RBFOX1: variants seen among roughly 807,000 people sequenced by gnomAD.
RBFOX1 encodes RNA binding protein fox-1 homolog 1.
RBFOX1 carries 8 observed loss-of-function variants against 57.7 expected under a neutral mutation model. The observed-to-expected ratio is 0.14, with a 90% CI of 0.08 to 0.25. RBFOX1 has a LOEUF of 0.25. Ranked by LOEUF, RBFOX1 falls within the 10% of genes least tolerant of loss-of-function variation. The pLI, the probability that RBFOX1 is intolerant of heterozygous loss-of-function variation, is 1.00. For missense variants in RBFOX1, 611 were observed against 548.5 expected (o/e 1.11, Z -1.14); for synonymous variants, 326 against 222.4 (o/e 1.47, Z -4.15).
At chr16:6,932,529 T>C (rs547476020) in intron 3 of RBFOX1, among the ~76,000 whole-genome samples, 1 of 152,270 alleles carries the variant, frequency 6.6e-6, no homozygotes, top group Non-Finnish European at 1.5e-5. Context: ...AGGATCTGCT[T>C]CCAAGTGTCT....
At chr16:5,985,131 A>C (rs959933404) in intron 4 of RBFOX1, among the ~76,000 whole-genome samples, 1 of 150,566 alleles carries the variant, frequency 6.6e-6, no homozygotes, top group African/African-American at 2.5e-5. Flanking sequence ...GACTACAGGC[A>C]CCCGCCACCA....
chr16:7,462,908 C>A (rs751721197), intron 4 of RBFOX1, among the ~76,000 whole-genome samples: 45 of 152,232 alleles, frequency 3.0e-4, no homozygotes, highest in Non-Finnish European at 2.2e-4. Flanking sequence ...AAGGCTCATT[C>A]CATGAGACTG....
chr16:6,652,217 G>A (rs940407026), intron 2 of RBFOX1, among the ~76,000 whole-genome samples: 6 of 152,148 alleles, frequency 3.9e-5, no homozygotes, highest in Admixed American at 1.3e-4. Flanking sequence ...TTGGGAGGGC[G>A]AGGCGGGCAG....
intron 3 of RBFOX1, among the ~76,000 whole-genome samples, chr16:5,725,531 G>C (rs1274550793): frequency 1.3e-5 from 2 of 151,774 alleles, no homozygotes; most frequent in African/African-American, 2.4e-5. Flanking sequence ...TCCAAGTGTT[G>C]GGACTACTGG....
At chr16:7,594,140 G>C (rs1455757591) in intron 7 of RBFOX1, among the ~76,000 whole-genome samples, 1 of 150,100 alleles carries the variant, frequency 6.7e-6, no homozygotes, top group Non-Finnish European at 1.5e-5. Flanking sequence ...CCCACCCCGT[G>C]ACAGGCCCTG....
At chr16:6,487,228 T>A (rs118088530) in intron 2 of RBFOX1, among the ~76,000 whole-genome samples, 2,632 of 151,816 alleles carry the variant, frequency 0.017, 36 homozygotes, top group Non-Finnish European at 0.027. Flanking sequence ...AACTCGTTTT[T>A]GATTCAGCAA....
intron 3 of RBFOX1, among the ~76,000 whole-genome samples, chr16:6,786,635 G>T (rs1346592474): frequency 1.3e-5 from 2 of 152,122 alleles, no homozygotes; most frequent in Admixed American, 6.5e-5. Context: ...GAGGAGAATG[G>T]ATGGTGCTCT....
At chr16:7,023,564 TAAAAAAAAAAAAAA>T (rs34056673) in intron 3 of RBFOX1, among the ~76,000 whole-genome samples, 1 of 43,928 alleles carries the variant, frequency 2.3e-5, no homozygotes, top group East Asian at 9.4e-4. Flanking sequence ...TCGTCTGTAC[TAAAAAAAAAAAAAA>T]AAAAAAAAAA....
At chr16:5,275,290 CTTT>C (rs2063114473) in intron 1 of RBFOX1, among the ~76,000 whole-genome samples, 48 of 152,098 alleles carry the variant, frequency 3.2e-4, no homozygotes, top group Admixed American at 3.1e-3. Context: ...TTGATCATTT[CTTT>C]GTGTTGGGAA....
At chr16:7,417,453 A>G (rs763211411) in intron 4 of RBFOX1, among the ~76,000 whole-genome samples, 1 of 151,630 alleles carries the variant, frequency 6.6e-6, no homozygotes, top group Non-Finnish European at 1.5e-5. Flanking sequence ...TAACCAAAGT[A>G]CACCACCACC....
At chr16:6,158,302 C>T (rs760484579) in intron 1 of RBFOX1, among the ~76,000 whole-genome samples, 21 of 152,114 alleles carry the variant, frequency 1.4e-4, no homozygotes, top group Non-Finnish European at 2.2e-4. Flanking sequence ...GGCGATGCAC[C>T]TACAGCAATC....
chr16:7,328,250 G>A lies in RBFOX1; in HGVS notation c.28-189897G>A, dbSNP rs576346102. Among the ~76,000 whole-genome samples the A allele has an allele frequency of 5.9e-5, 9 of 152,100 alleles. No homozygotes were observed. In the East Asian group the frequency reaches 1.2e-3, roughly 20 times the overall value. ...TAATCCCAGCACTTTGGGAGGCTGCGGCAGGTAGATCATGAGGTCAGGAGT... is the reference window on the plus strand; with the variant it reads ...TAATCCCAGCACTTTGGGAGGCTGCAGCAGGTAGATCATGAGGTCAGGAGT... On this transcript the variant is annotated intron_variant, in intron 4 of 15. Coordinates refer to ENST00000550418, the MANE Select transcript of RBFOX1 (RefSeq NM_018723.4).
intron 1 of RBFOX1, among the ~76,000 whole-genome samples, chr16:6,105,036 C>G (rs1362157290): frequency 6.6e-6 from 1 of 152,162 alleles, no homozygotes; most frequent in East Asian, 1.9e-4. Context: ...CTTAGATTTG[C>G]TTTGTCATTT....
intron 2 of RBFOX1, among the ~76,000 whole-genome samples, chr16:6,459,185 A>G (rs182523816): frequency 2.0e-5 from 3 of 152,264 alleles, no homozygotes; most frequent in African/African-American, 7.2e-5. Flanking sequence ...ACTACAAAAA[A>G]ATTAGCCGGC....
In RBFOX1 at chr16:6,949,127, T is replaced by C. The variant is rs183822092; in HGVS notation, c.-15-102930T>C. ...GTAATTATTGACTTTTTTTAAAACA[T>C]GGATAGGGATATGTAACTGATGCCT... is the stretch of plus-strand genomic sequence containing the variant. On this transcript the variant is annotated intron_variant, in intron 3 of 15. Coordinates refer to ENST00000550418, the MANE Select transcript of RBFOX1 (RefSeq NM_018723.4). Among the ~76,000 whole-genome samples the C allele has an allele frequency of 2.5e-3, 374 of 152,292 alleles. 3 individuals carry two copies. The highest frequency in any genetic ancestry group is 0.02 in the Admixed American group (305 of 15,294).
At chr16:5,741,238 C>G (rs553702909) in intron 3 of RBFOX1, among the ~76,000 whole-genome samples, 1 of 152,304 alleles carries the variant, frequency 6.6e-6, no homozygotes, top group South Asian at 2.1e-4. Context: ...TTCCAAACCA[C>G]CAGAGCAATC....
chr16:6,071,377 C>T (rs2095836091), intron 1 of RBFOX1, among the ~76,000 whole-genome samples: 1 of 151,890 alleles, frequency 6.6e-6, no homozygotes, highest in Non-Finnish European at 1.5e-5. Flanking sequence ...ATGTAAAGGG[C>T]AGAAAAGAAT....
chr16:7,533,740 G>A (rs2080751042), intron 5 of RBFOX1, among the ~76,000 whole-genome samples: 1 of 152,128 alleles, frequency 6.6e-6, no homozygotes, highest in African/African-American at 2.4e-5. Flanking sequence ...AATGTGTATT[G>A]TTTCCACATC....
At chr16:7,080,059 T>TTA (rs201835325) in intron 4 of RBFOX1, among the ~76,000 whole-genome samples, 10 of 135,244 alleles carry the variant, frequency 7.4e-5, no homozygotes, top group Non-Finnish European at 9.7e-5. Context: ...TATATACATA[T>TTA]TATATATATA....
Sources: gnomAD v4.1 joint callset for allele counts (sites outside exome capture counted in the v4.1 genomes callset) on GRCh38, gnomAD v4.1.1 for gene constraint, MANE v1.5 for transcripts, NCBI Gene and HGNC (gene_info 2026-07-23, HGNC 2026-07-21) for gene names.